Variants in FAM184B observed in about 807,000 individuals in gnomAD.
The protein encoded by FAM184B is protein FAM184B.
In FAM184B, 111 loss-of-function variants were observed where a neutral mutation model predicts 135.9. That is an observed-to-expected ratio of 0.82 (90% CI 0.70 to 0.96). The LOEUF is 0.96. FAM184B is among the 40% of genes least tolerant of loss of function. The probability of loss-of-function intolerance (pLI) is 0.00; values close to 1 mark genes in which losing one functional copy is unlikely to be tolerated. For synonymous variants in FAM184B, 552 were observed against 524.8 expected (o/e 1.05, Z -0.71); for missense variants, 1,375 against 1,323.9 (o/e 1.04, Z -0.60).
chr4:17,774,278 A>G (rs1718877521), intron 1 of FAM184B, among the ~76,000 whole-genome samples: 1 of 152,136 alleles, frequency 6.6e-6, no homozygotes, highest in Non-Finnish European at 1.5e-5. Flanking sequence ...TGAGGTGGGA[A>G]GATGGTTTGA....
intron 7 of FAM184B, among the ~76,000 whole-genome samples, chr4:17,668,267 A>C (rs1262444014): frequency 6.6e-6 from 1 of 152,192 alleles, no homozygotes; most frequent in East Asian, 1.9e-4. Flanking sequence ...GTTGAACGTA[A>C]AGTGTTTAGC....
At chr4:17,662,639 T>C (rs1715947302) in intron 8 of FAM184B, among the ~76,000 whole-genome samples, 1 of 152,132 alleles carries the variant, frequency 6.6e-6, no homozygotes, top group Non-Finnish European at 1.5e-5. Flanking sequence ...TGCCCGGCAA[T>C]GTTTTTCGTT....
chr4:17,723,988 T>C (rs928926100), intron 1 of FAM184B, among the ~76,000 whole-genome samples: 3 of 152,078 alleles, frequency 2.0e-5, no homozygotes, highest in Non-Finnish European at 4.4e-5. Context: ...TACAATCTTG[T>C]TCCAGGTTTG....
intron 12 of FAM184B, 66 bp from the exon 13 acceptor site, chr4:17,642,294 G>A: frequency 1.4e-6 from 2 of 1,401,118 alleles, no homozygotes; most frequent in Non-Finnish European, 1.8e-6. Context: ...GAAAGGGCCA[G>A]AGATGTGCTG....
Position 17,659,750 on chromosome 4 carries a change from T to G in FAM184B, c.1824+208A>C, listed in dbSNP as rs907228863. ...ATCTGCCCCCCTCGGCCTCCCAAAGTGCTGAGATTACAGGCGTGAGCCACC... is the reference window on the plus strand; with the variant it reads ...ATCTGCCCCCCTCGGCCTCCCAAAGGGCTGAGATTACAGGCGTGAGCCACC... On this transcript the variant is annotated intron_variant, in intron 9 of 17. Transcript: ENST00000265018. Among the ~76,000 whole-genome samples the G allele has an allele frequency of 2.0e-5, 3 of 152,168 alleles. No homozygotes were observed. The South Asian group carries it at 6.2e-4, about 31-fold the overall frequency.
At chr4:17,651,892 G>GA (rs1715627467) in intron 11 of FAM184B, among the ~76,000 whole-genome samples, 1 of 152,132 alleles carries the variant, frequency 6.6e-6, no homozygotes, top group South Asian at 2.1e-4. Flanking sequence ...TGAAAAGGGG[G>GA]AGAGTTTTGT....
chr4:17,674,914 T>C (rs1008443201), intron 7 of FAM184B, among the ~76,000 whole-genome samples: 8 of 152,186 alleles, frequency 5.3e-5, no homozygotes, highest in African/African-American at 1.2e-4. Flanking sequence ...ACATAGTTAC[T>C]TCCTCATCTG....
At chr4:17,683,392 G>A (rs1415198411) in intron 7 of FAM184B, among the ~76,000 whole-genome samples, 1 of 152,112 alleles carries the variant, frequency 6.6e-6, no homozygotes, top group Non-Finnish European at 1.5e-5. Context: ...ACACCATACA[G>A]ATAGGAATTC....
intron 9 of FAM184B, 84 bp from the exon 10 acceptor site, chr4:17,658,646 A>T: frequency 7.7e-7 from 1 of 1,297,426 alleles, no homozygotes; most frequent in Admixed American, 2.1e-5. Flanking sequence ...TCTAAATGTT[A>T]CCTCCATGCA....
chr4:17,728,723 GT>G (rs1250731092), intron 1 of FAM184B, among the ~76,000 whole-genome samples: 8 of 152,162 alleles, frequency 5.3e-5, no homozygotes, highest in African/African-American at 1.9e-4. Context: ...TAACCTCCGG[GT>G]GATGGGATTA....
At chr4:17,777,923 C>A (rs886747115) in intron 1 of FAM184B, among the ~76,000 whole-genome samples, 1 of 152,024 alleles carries the variant, frequency 6.6e-6, no homozygotes, top group Non-Finnish European at 1.5e-5. Context: ...CATAGTGAGA[C>A]CCTGTCTCTA....
At position 17,718,799 on chromosome 4, in the gene FAM184B, C is replaced by T. The variant is rs73800364; in HGVS notation, c.142-9155G>A. On this transcript the variant is annotated intron_variant, in intron 1 of 17. Coordinates refer to ENST00000265018, the MANE Select transcript of FAM184B (RefSeq NM_015688.2). ...GTGGAATGCAACTGGCTCAGCCAAA[C>T]CCAGCTGAAATCAGCTGAACAGCAG... 8.1e-3 allele frequency among the ~76,000 whole-genome samples: 1,234 copies of T among 152,320 alleles called. 19 individuals are homozygous for T. Among genetic ancestry groups the T allele is most frequent in the African/African-American group, 0.027 (1,129 of 41,548 alleles).
At chr4:17,770,843 T>C (rs1468255644) in intron 1 of FAM184B, among the ~76,000 whole-genome samples, 1 of 152,148 alleles carries the variant, frequency 6.6e-6, no homozygotes, top group Non-Finnish European at 1.5e-5. Context: ...TGAGATATAA[T>C]TCTCATACCA....
intron 1 of FAM184B, among the ~76,000 whole-genome samples, chr4:17,766,960 G>T (rs895883975): frequency 6.6e-6 from 1 of 152,326 alleles, no homozygotes; most frequent in Non-Finnish European, 1.5e-5. Flanking sequence ...CCGCGGGGAG[G>T]CACCTGAGGC....
At chr4:17,716,247 C>T (rs951656085) in intron 1 of FAM184B, among the ~76,000 whole-genome samples, 1 of 152,190 alleles carries the variant, frequency 6.6e-6, no homozygotes, top group Non-Finnish European at 1.5e-5. Context: ...CATGTACTTA[C>T]TCTTACCACA....
chr4:17,693,186 T>C, intron 6 of FAM184B, 116 bp downstream of exon 6: 1 of 689,970 alleles, frequency 1.4e-6, no homozygotes, highest in Non-Finnish European at 2.4e-6. Flanking sequence ...CGAGACAGCC[T>C]GCCTGTCTGG....
In FAM184B at chr4:17,709,546, C is replaced by G; in HGVS notation, c.240G>C (p.Glu80Asp). The G allele has an allele frequency of 6.4e-7, 1 of 1,550,924 alleles. No individual in the cohort carries two copies. The highest frequency in any genetic ancestry group is 8.7e-7 in the Non-Finnish European group (1 of 1,146,964). ...HQEELQNAVA[E>D]TKARLLQEQG... is the part of the protein sequence containing the mutation. ...GTTCCTGCAGGAGCCTGGCCTTGGT[C>G]TCTGCCACCGCATTCTGGAGCTCCT... Residue 80 changes from glutamate to aspartate, a missense_variant, in exon 2 of 18, where the codon GAG (glutamate) becomes GAC (aspartate). By Grantham distance (45) the Glu-to-Asp change is conservative. Coordinates refer to ENST00000265018, the MANE Select transcript of FAM184B (RefSeq NM_015688.2).
intron 17 of FAM184B, 114 bp downstream of exon 17, chr4:17,633,575 A>G: frequency 3.1e-6 from 3 of 952,914 alleles, no homozygotes; most frequent in Non-Finnish European, 4.5e-6. Context: ...TTGTCTAATC[A>G]TCCATGAAAA....
chr4:17,638,758 A>G lies in FAM184B; in HGVS notation c.2666+492T>C, dbSNP rs1346908897. 5.9e-5 allele frequency among the ~76,000 whole-genome samples: 9 copies of G among 152,138 alleles called. No homozygotes were observed. The South Asian group carries it at 1.9e-3, about 32-fold the overall frequency. On this transcript the variant is annotated intron_variant, in intron 14 of 17. Coordinates refer to ENST00000265018, the MANE Select transcript of FAM184B (RefSeq NM_015688.2). ...GGGTTAAACCAATGCTCATCCTCAC[A>G]AATTCCCACTGCCCTGCAGAAAAGG...
Sources: gnomAD v4.1 joint callset for allele counts (sites outside exome capture counted in the v4.1 genomes callset) on GRCh38, gnomAD v4.1.1 for gene constraint, MANE v1.5 for transcripts, NCBI Gene and HGNC (gene_info 2026-07-23, HGNC 2026-07-21) for gene names.